MTUS1: variants seen among roughly 807,000 people sequenced by gnomAD.
MTUS1 encodes microtubule associated scaffold protein 1, also known as microtubule-associated tumor suppressor 1.
In MTUS1, 109 loss-of-function variants were observed where a neutral mutation model predicts 120.8. The ratio of observed to expected loss-of-function variants is 0.90; its 90% CI spans 0.77 to 1.06. The LOEUF is 1.06. Among genes scored for constraint, MTUS1 ranks in the 50% least tolerant of loss-of-function variants. The probability of loss-of-function intolerance (pLI) is 0.00; values close to 1 mark genes in which losing one functional copy is unlikely to be tolerated. For missense variants in MTUS1, 2,210 were observed against 1,486.3 expected, an observed-to-expected ratio of 1.49 and a Z score of -8.01; for synonymous variants, 737 against 550.5, an observed-to-expected ratio of 1.34 and a Z score of -4.74.
intron 4 of MTUS1, among the ~76,000 whole-genome samples, chr8:17,722,979 T>C (rs970792458): frequency 6.6e-6 from 1 of 152,218 alleles, no homozygotes; most frequent in African/African-American, 2.4e-5. Context: ...ATACCTTCTT[T>C]TTCTCCTCAA....
chr8:17,745,602 G>A (rs2131283459), intron 2 of MTUS1, among the ~76,000 whole-genome samples: 1 of 152,252 alleles, frequency 6.6e-6, no homozygotes, highest in African/African-American at 2.4e-5. Flanking sequence ...ACCATATTCT[G>A]CCTTTGTACC....
chr8:17,645,869 A>G lies in MTUS1; in HGVS notation c.*57T>C. The G allele has an allele frequency of 6.4e-7, 1 of 1,558,242 alleles. No individual in the cohort carries two copies. Among genetic ancestry groups the G allele is most frequent in the Non-Finnish European group, 8.7e-7 (1 of 1,151,474 alleles). ...TGTGCCCACGTTCCTCCTTGGGGTC[A>G]GTCCTGCAGACCTGCATCAAAATGC... is the stretch of plus-strand genomic sequence containing the variant. On this transcript the variant is annotated 3_prime_UTR_variant, in exon 15 of 15. Coordinates refer to ENST00000693296, the MANE Select transcript of MTUS1 (RefSeq NM_001363059.2).
At chr8:17,711,967 T>C (rs985769226) in intron 6 of MTUS1, among the ~76,000 whole-genome samples, 2 of 152,166 alleles carry the variant, frequency 1.3e-5, no homozygotes, top group African/African-American at 2.4e-5. Flanking sequence ...GTGTTCACTG[T>C]CTTAGATGAG....
chr8:17,752,371 T>C (rs1168143340), intron 2 of MTUS1, among the ~76,000 whole-genome samples: 1 of 152,214 alleles, frequency 6.6e-6, no homozygotes, highest in African/African-American at 2.4e-5. Flanking sequence ...TATGTTGTAA[T>C]TTAATTTTGC....
intron 1 of MTUS1, among the ~76,000 whole-genome samples, chr8:17,792,742 T>A (rs1303429236): frequency 1.1e-4 from 17 of 152,130 alleles, no homozygotes; most frequent in Admixed American, 1.1e-3. Flanking sequence ...CGCATACCTG[T>A]AGTGCCAGGT....
At chr8:17,731,862 G>C (rs530128383) in intron 3 of MTUS1, among the ~76,000 whole-genome samples, 3 of 152,174 alleles carry the variant, frequency 2.0e-5, no homozygotes, top group Admixed American at 6.5e-5. Flanking sequence ...TGAGCCAACT[G>C]TCATTCCTAA....
intron 2 of MTUS1, chr8:17,748,224 G>T (rs1429125783): frequency 6.6e-6 from 1 of 152,300 alleles, no homozygotes; most frequent in African/African-American, 2.4e-5. Context: ...GCTGGACTTT[G>T]GAGGAGAGAT....
chr8:17,718,487 G>A (rs1289489587), intron 4 of MTUS1, among the ~76,000 whole-genome samples: 2 of 152,034 alleles, frequency 1.3e-5, no homozygotes, highest in African/African-American at 4.8e-5. Context: ...TCGGGTATGG[G>A]AATAGACAGT....
rs112246639 is a variant in MTUS1, at chr8:17,704,896, T to G, written c.2623+8318A>C. Among the ~76,000 whole-genome samples the G allele has an allele frequency of 1.4e-3, 216 of 150,308 alleles. 1 individual carries two copies. The highest frequency in any genetic ancestry group is 5.0e-3 in the African/African-American group (205 of 40,794). ...TTCTATTATAGAGTTGTCTTTATCT[T>G]GCTGATTTGACAGAGCTCTACACAG... On this transcript the variant is annotated intron_variant, in intron 6 of 14. Transcript: ENST00000693296.
At chr8:17,677,273 G>C (rs1395489541) in intron 7 of MTUS1, among the ~76,000 whole-genome samples, 3 of 152,132 alleles carry the variant, frequency 2.0e-5, no homozygotes, top group African/African-American at 7.2e-5. Context: ...CCTGAATTTT[G>C]TTTAGTAATC....
At chr8:17,740,710 T>G (rs1167850766) in intron 3 of MTUS1, among the ~76,000 whole-genome samples, 4 of 152,210 alleles carry the variant, frequency 2.6e-5, no homozygotes, top group Non-Finnish European at 5.9e-5. Flanking sequence ...TGGGGTGGCT[T>G]AAACAACAGA....
At position 17,713,269 on chromosome 8, in the gene MTUS1, A is replaced by T. The variant is rs748350008; in HGVS notation, c.2585-17T>A. On this transcript the variant is annotated splice_polypyrimidine_tract_variant and intron_variant, in intron 5 of 14. Coordinates refer to ENST00000693296, the MANE Select transcript of MTUS1 (RefSeq NM_001363059.2). ...TCGAAGGACCTAAGATATAAAAGAA[A>T]CATGTAAAATACATATGTTTTATTT... 6.2e-6 allele frequency: 9 copies of T among 1,447,286 alleles called. No individual in the cohort carries two copies. In the African/African-American group the frequency reaches 1.3e-4, roughly 20 times the overall value. 89.7% of individuals were successfully genotyped at this position (1,447,286 alleles called of 1,614,324 possible).
intron 3 of MTUS1, among the ~76,000 whole-genome samples, chr8:17,737,525 G>C (rs897081108): frequency 1.3e-5 from 2 of 152,180 alleles, no homozygotes; most frequent in African/African-American, 4.8e-5. Flanking sequence ...GTCTTGCCCT[G>C]TCACCTAGCC....
intron 12 of MTUS1, among the ~76,000 whole-genome samples, chr8:17,652,600 C>G (rs565288887): frequency 6.6e-6 from 1 of 152,048 alleles, no homozygotes; most frequent in African/African-American, 2.4e-5. Context: ...TATGAATATA[C>G]TAAAAGCCAC....
chr8:17,690,419 C>T (rs1333868596), intron 6 of MTUS1, among the ~76,000 whole-genome samples: 1 of 152,140 alleles, frequency 6.6e-6, no homozygotes, highest in African/African-American at 2.4e-5. Context: ...GAAGGCAATG[C>T]TTATACACTG....
intron 3 of MTUS1, among the ~76,000 whole-genome samples, chr8:17,726,366 T>A (rs184173314): frequency 6.6e-6 from 1 of 152,298 alleles, no homozygotes; most frequent in Admixed American, 6.5e-5. Flanking sequence ...ATGTACTTGT[T>A]TCTATCACAG....
intron 8 of MTUS1, among the ~76,000 whole-genome samples, chr8:17,657,867 A>G (rs1340730773): frequency 2.0e-5 from 3 of 151,148 alleles, no homozygotes; most frequent in African/African-American, 7.3e-5. Flanking sequence ...ATACATAGGT[A>G]CATATGTGCA....
At position 17,754,571 on chromosome 8, in the gene MTUS1, A is replaced by C. The variant is rs2048451393; in HGVS notation, c.1237T>G (p.Trp413Gly). The C allele has an allele frequency of 5.6e-6, 9 of 1,614,172 alleles. No homozygotes were observed. Among genetic ancestry groups the C allele is most frequent in the Non-Finnish European group, 7.6e-6 (9 of 1,180,034 alleles). ...CTAATGACCATATCATTTGCATCCC[A>C]AGTCAGTCCAAATGACGAGCCCACC... is the stretch of plus-strand genomic sequence containing the variant. ...QKVGSSFGLT[W>G]DANDMVISTD... Residue 413 changes from tryptophan (W) to glycine (G), a missense_variant, in exon 2 of 15, where the codon TGG becomes GGG. Trp to Gly is a radical substitution (Grantham distance 184). Transcript: ENST00000693296.
chr8:17,754,044 C>G lies in MTUS1; in HGVS notation c.1764G>C (p.Val588=), dbSNP rs1409469051. 1 of 1,614,118 alleles carries G rather than the reference C, an allele frequency of 6.2e-7. No individual in the cohort carries two copies. Among genetic ancestry groups the G allele is most frequent in the Admixed American group, 1.7e-5 (1 of 60,024 alleles). ...CATTTTTAGAATGAGTTGTAACATGCACAGCCTGGCTAGTAATGAGTTTAT... is the reference window on the plus strand; with the variant it reads ...CATTTTTAGAATGAGTTGTAACATGGACAGCCTGGCTAGTAATGAGTTTAT... The part of the protein sequence containing the change: ...QFNKLITSQA[V]HVTTHSKNAS... Residue 588 remains valine (V), a synonymous_variant, in exon 2 of 15, where the codon GTG becomes GTC. Coordinates refer to ENST00000693296, the MANE Select transcript of MTUS1 (RefSeq NM_001363059.2).
Sources: gnomAD v4.1 joint callset for allele counts (sites outside exome capture counted in the v4.1 genomes callset) on GRCh38, gnomAD v4.1.1 for gene constraint, MANE v1.5 for transcripts, NCBI Gene and HGNC (gene_info 2026-07-23, HGNC 2026-07-21) for gene names.